The following THADA variants were observed in gnomAD, a reference collection of about 807,000 sequenced individuals.
The protein encoded by THADA is tRNA (32-2'-O)-methyltransferase regulator THADA.
THADA carries 213 observed loss-of-function variants against 219.8 expected under a neutral mutation model. The observed-to-expected ratio is 0.97, with a 90% confidence interval of 0.87 to 1.09. The LOEUF (loss-of-function observed/expected upper bound fraction) is 1.09, where lower values mean the gene tolerates loss of function less well. Ranked by LOEUF, THADA falls within the 50% of genes least tolerant of loss-of-function variation. The probability of loss-of-function intolerance (pLI) is 0.00; values close to 1 mark genes in which losing one functional copy is unlikely to be tolerated. For missense variants in THADA, 2,956 were observed against 2,311.3 expected (o/e 1.28, Z -5.72); for synonymous variants, 1,018 against 828.9 (o/e 1.23, Z -3.92).
chr2:43,477,059 G>A (rs552953809), intron 26 of THADA, among the ~76,000 whole-genome samples: 2 of 152,270 alleles, frequency 1.3e-5, no homozygotes, highest in South Asian at 2.1e-4. Context: ...GTATTTAGCT[G>A]TAACTAAAAC....
intron 4 of THADA, among the ~76,000 whole-genome samples, chr2:43,587,620 T>C (rs1457156617): frequency 6.6e-6 from 1 of 152,212 alleles, no homozygotes; most frequent in Non-Finnish European, 1.5e-5. Context: ...TGAGCAAAGC[T>C]ATATGAAGTG....
At chr2:43,577,702 A>G (rs1232371550) in intron 9 of THADA, among the ~76,000 whole-genome samples, 1 of 152,168 alleles carries the variant, frequency 6.6e-6, no homozygotes, top group East Asian at 1.9e-4. Context: ...CTAGTAAAAA[A>G]TACAAGGATT....
intron 29 of THADA, among the ~76,000 whole-genome samples, chr2:43,355,942 TGAGG>T (rs1398185262): frequency 6.6e-6 from 1 of 152,034 alleles, no homozygotes; most frequent in African/African-American, 2.4e-5. Context: ...AAAGATTTAG[TGAGG>T]GAGGAAGAAT....
chr2:43,382,642 T>C (rs1043086997), intron 29 of THADA, among the ~76,000 whole-genome samples: 7 of 152,192 alleles, frequency 4.6e-5, no homozygotes, highest in Non-Finnish European at 8.8e-5. Flanking sequence ...AAAGGAACAA[T>C]TCTCCTGAAA....
intron 26 of THADA, among the ~76,000 whole-genome samples, chr2:43,479,524 G>A (rs1169760535): frequency 1.3e-5 from 2 of 151,524 alleles, no homozygotes; most frequent in African/African-American, 2.4e-5. Context: ...TAAGTCTAGA[G>A]AAATCATAAG....
chr2:43,463,834 A>C (rs1683920895), intron 26 of THADA, among the ~76,000 whole-genome samples: 1 of 152,230 alleles, frequency 6.6e-6, no homozygotes, highest in African/African-American at 2.4e-5. Flanking sequence ...TCAGGGAAGG[A>C]AAGAGCAGGA....
At chr2:43,392,588 C>T (rs959466919) in intron 29 of THADA, among the ~76,000 whole-genome samples, 19 of 152,084 alleles carry the variant, frequency 1.2e-4, no homozygotes, top group African/African-American at 4.6e-4. Flanking sequence ...AAGTCTACTC[C>T]AGTTTCGGTC....
intron 22 of THADA, among the ~76,000 whole-genome samples, chr2:43,518,099 T>C (rs1427445835): frequency 1.3e-5 from 2 of 152,232 alleles, no homozygotes; most frequent in Non-Finnish European, 2.9e-5. Flanking sequence ...TATTATTTTC[T>C]ACATCTCCAT....
At chr2:43,408,040 T>A (rs1030780715) in intron 28 of THADA, among the ~76,000 whole-genome samples, 8 of 152,238 alleles carry the variant, frequency 5.3e-5, no homozygotes, top group Admixed American at 5.2e-4. Flanking sequence ...AGTCTAAATA[T>A]GTTTCCTACT....
At chr2:43,370,163 G>C (rs1258389669) in intron 29 of THADA, 1 of 152,236 alleles carries the variant, frequency 6.6e-6, no homozygotes, top group Non-Finnish European at 1.5e-5. Flanking sequence ...TTAATGAGGA[G>C]AATGAGAATG....
chr2:43,485,032 T>C (rs1175296967), intron 26 of THADA, among the ~76,000 whole-genome samples: 1 of 152,108 alleles, frequency 6.6e-6, no homozygotes, highest in Non-Finnish European at 1.5e-5. Flanking sequence ...TTTTGTTGCT[T>C]TGAAAGGTCC....
chr2:43,232,586 G>T, intron 37 of THADA, 127 bp downstream of exon 37: 2 of 1,043,724 alleles, frequency 1.9e-6, no homozygotes, highest in Non-Finnish European at 2.8e-6. Flanking sequence ...CCCAGTGGGT[G>T]ACTTTCCTAG....
At chr2:43,256,266 T>G (rs906396525) in intron 36 of THADA, among the ~76,000 whole-genome samples, 1 of 152,018 alleles carries the variant, frequency 6.6e-6, no homozygotes, top group African/African-American at 2.4e-5. Context: ...CCCAGCACTT[T>G]GGGAGGCCAA....
chr2:43,551,444 GCATCC>G (rs1696726688), intron 19 of THADA, among the ~76,000 whole-genome samples: 2 of 152,126 alleles, frequency 1.3e-5, no homozygotes, highest in South Asian at 4.1e-4. Context: ...TTTCTTTTGA[GCATCC>G]CATTGGTGTT....
At chr2:43,531,399 A>C (rs1284282993) in intron 21 of THADA, among the ~76,000 whole-genome samples, 1 of 152,236 alleles carries the variant, frequency 6.6e-6, no homozygotes, top group Non-Finnish European at 1.5e-5. Flanking sequence ...ATGAATGAGC[A>C]TACACAGACA....
chr2:43,346,409 C>T (rs2104544629), intron 29 of THADA, among the ~76,000 whole-genome samples: 1 of 152,256 alleles, frequency 6.6e-6, no homozygotes, highest in Non-Finnish European at 1.5e-5. Context: ...CTCAGGAGCT[C>T]CGGCAGCTCC....
At chr2:43,331,835 C>T (rs934148065) in intron 30 of THADA, among the ~76,000 whole-genome samples, 1 of 151,864 alleles carries the variant, frequency 6.6e-6, no homozygotes, top group Non-Finnish European at 1.5e-5. Flanking sequence ...GTATGTACTT[C>T]TATGTATTTC....
At chr2:43,342,131 C>CT (rs1667129173) in intron 30 of THADA, among the ~76,000 whole-genome samples, 1 of 152,152 alleles carries the variant, frequency 6.6e-6, no homozygotes, top group Non-Finnish European at 1.5e-5. Flanking sequence ...GGAGGGATCA[C>CT]TTCAGCCCCA....
intron 31 of THADA, among the ~76,000 whole-genome samples, chr2:43,307,462 G>A (rs1459865942): frequency 6.6e-6 from 1 of 152,256 alleles, no homozygotes; most frequent in Non-Finnish European, 1.5e-5. Flanking sequence ...AAAAAGAACT[G>A]CAGAACTGCA....
Sources: gnomAD v4.1 joint callset for allele counts (sites outside exome capture counted in the v4.1 genomes callset) on GRCh38, gnomAD v4.1.1 for gene constraint, MANE v1.5 for transcripts, NCBI Gene and HGNC (gene_info 2026-07-23, HGNC 2026-07-21) for gene names.